Variants in IQCE observed in about 807,000 individuals in gnomAD.
IQCE encodes IQ domain-containing protein E.
IQCE carries 115 observed loss-of-function variants against 96.0 expected under a neutral mutation model. The observed-to-expected ratio is 1.20, with a 90% CI of 1.03 to 1.40. The LOEUF is 1.40. IQCE is among the 40% of genes most tolerant of loss of function. The probability of loss-of-function intolerance (pLI) is 0.00; values close to 1 mark genes in which losing one functional copy is unlikely to be tolerated. For synonymous variants in IQCE, 412 were observed against 371.2 expected (o/e 1.11, Z -1.26); for missense variants, 1,041 against 909.1 (o/e 1.15, Z -1.87).
chr7:2,598,423 G>A, intron 16 of IQCE, 42 bp from the exon 17 acceptor site: 3 of 1,525,970 alleles, frequency 2.0e-6, no homozygotes, highest in Non-Finnish European at 2.6e-6. Context: ...GGTTGTCCCT[G>A]CCCTGGCTTC....
chr7:2,604,820 C>T (rs899642266), intron 18 of IQCE, 61 bp from the exon 19 acceptor site: 11 of 1,230,002 alleles, frequency 8.9e-6, no homozygotes, highest in East Asian at 4.9e-5. Flanking sequence ...GCCTCCCTCT[C>T]GCCCGCCGTT....
intron 8 of IQCE, among the ~76,000 whole-genome samples, chr7:2,579,567 T>A (rs1782491241): frequency 6.6e-6 from 1 of 152,208 alleles, no homozygotes; most frequent in Non-Finnish European, 1.5e-5. Context: ...GATTGTATAA[T>A]CATTACATGT....
chr7:2,578,577 G>A, intron 8 of IQCE, 51 bp downstream of exon 8: 1 of 1,598,100 alleles, frequency 6.3e-7, no homozygotes, highest in Non-Finnish European at 8.6e-7. Flanking sequence ...CTAGTTACTG[G>A]GGACAGCCAC....
chr7:2,577,434 G>A lies in IQCE; in HGVS notation c.466-808G>A, dbSNP rs1184021346. ...GCGGGGACGTGTGTGCGGCGTGCAC[G>A]CATTGGCATGTACTTGGCTGTGCGC... On this transcript the variant is annotated intron_variant, in intron 6 of 21. Transcript: ENST00000402050. Among the ~76,000 whole-genome samples, 9 of 117,022 alleles carry A rather than the reference G, an allele frequency of 7.7e-5. 2 individuals carry two copies. The highest frequency in any genetic ancestry group is 2.6e-4 in the African/African-American group (8 of 30,548). The allele number at this position is 117,022 out of a possible 152,430, so 76.8% of individuals were successfully genotyped here. A position where few individuals can be genotyped will look rare whatever the true frequency, so the allele number is the denominator to read the frequency against.
chr7:2,566,454 C>G (rs1302171952), intron 1 of IQCE: 1 of 125,216 alleles, frequency 8.0e-6, no homozygotes, highest in African/African-American at 3.1e-5. Context: ...TGTTGGTTTT[C>G]GTTTTTTTTT....
At chr7:2,596,134 C>T (rs1784019093) in intron 16 of IQCE, among the ~76,000 whole-genome samples, 1 of 152,202 alleles carries the variant, frequency 6.6e-6, no homozygotes, top group South Asian at 2.1e-4. Flanking sequence ...AAGCCACCAC[C>T]TATGGTCCCA....
At chr7:2,571,457 C>G in intron 3 of IQCE, 69 bp from the exon 4 acceptor site, 12 of 1,587,094 alleles carry the variant, frequency 7.6e-6, no homozygotes, top group Non-Finnish European at 9.4e-6. Context: ...TTCTGTCTTT[C>G]TGAAGTTCAT....
chr7:2,597,913 C>A (rs182727720), intron 16 of IQCE, among the ~76,000 whole-genome samples: 1 of 152,282 alleles, frequency 6.6e-6, no homozygotes, highest in East Asian at 1.9e-4. Flanking sequence ...AGGGATCCTC[C>A]CTGCTTGGCC....
chr7:2,606,107 C>T (rs1784804060), intron 20 of IQCE, 110 bp downstream of exon 20: 2 of 1,311,786 alleles, frequency 1.5e-6, no homozygotes, highest in South Asian at 1.7e-5. Context: ...TGGAGCAGCG[C>T]CTGCCGCCTG....
chr7:2,578,370 C>T lies in IQCE; in HGVS notation c.579+15C>T. ...ATCCCAGCCGCGTAAGCTCCTGGCG[C>T]TTCACGGACGGGGCAAGGGGAGGGT... On this transcript the variant is annotated intron_variant, in intron 7 of 21. Coordinates refer to ENST00000402050, the MANE Select transcript of IQCE (RefSeq NM_152558.5). 4 of 1,612,592 alleles carry T rather than the reference C, an allele frequency of 2.5e-6. No homozygotes were observed. The highest frequency in any genetic ancestry group is 3.4e-6 in the Non-Finnish European group (4 of 1,178,594).
chr7:2,610,176 T>C lies in IQCE; in HGVS notation c.*14T>C. On this transcript the variant is annotated 3_prime_UTR_variant, in exon 22 of 22. Coordinates refer to ENST00000402050, the MANE Select transcript of IQCE (RefSeq NM_152558.5). ...TTTCCAGTTTAGGTCCCCGTCACTG[T>C]CTCCACGCCGTGATGGCAGCGCTGC... 1 of 1,450,006 alleles carries C rather than the reference T, an allele frequency of 6.9e-7. No homozygotes were observed. Among genetic ancestry groups the C allele is most frequent in the Non-Finnish European group, 9.7e-7 (1 of 1,029,788 alleles). The allele number at this position is 1,450,006 out of a possible 1,614,324, so 89.8% of individuals were successfully genotyped here.
chr7:2,565,109 TGA>T (rs1418759925), intron 1 of IQCE, among the ~76,000 whole-genome samples: 4 of 146,116 alleles, frequency 2.7e-5, no homozygotes, highest in Admixed American at 1.4e-4. Context: ...TGTGTGTGTG[TGA>T]GTGCATGTGT....
chr7:2,610,615 C>A lies in IQCE; in HGVS notation c.*453C>A. On this transcript the variant is annotated 3_prime_UTR_variant, in exon 22 of 22. Transcript: ENST00000402050. ...ATCTCAGCCCAGCAGGCCAGGCAGA[C>A]ACACCCCGCTGTGCCTTAGGAAGGT... 5.6e-6 allele frequency: 1 copy of A among 179,736 alleles called. No individual in the cohort carries two copies. The highest frequency in any genetic ancestry group is 1.2e-5 in the Non-Finnish European group (1 of 84,760). 11.1% of individuals were successfully genotyped at this position (179,736 alleles called of 1,614,324 possible).
intron 1 of IQCE, among the ~76,000 whole-genome samples, chr7:2,563,311 C>T (rs946502736): frequency 2.6e-5 from 4 of 152,016 alleles, no homozygotes; most frequent in African/African-American, 9.7e-5. Flanking sequence ...ATTCTCCCAC[C>T]TCAGTCTCCT....
intron 12 of IQCE, 31 bp downstream of exon 12, chr7:2,586,402 G>C (rs772439007): frequency 3.6e-5 from 54 of 1,507,746 alleles, no homozygotes; most frequent in Non-Finnish European, 4.6e-5. Flanking sequence ...CCAGGAGGGA[G>C]GCCAGGGAAT....
chr7:2,571,392 T>G, intron 3 of IQCE, 134 bp from the exon 4 acceptor site: 1 of 1,109,930 alleles, frequency 9.0e-7, no homozygotes, highest in East Asian at 2.4e-5. Context: ...TCTTTTTTCA[T>G]TTTTGCCAGA....
At position 2,614,467 on chromosome 7, in the gene IQCE, C is replaced by T. The variant is rs1298670369; in HGVS notation, c.*4305C>T. On this transcript the variant is annotated 3_prime_UTR_variant, in exon 22 of 22. Transcript: ENST00000402050. The stretch of plus-strand genomic sequence containing the variant: ...GGCAGTGCCTACGCTGTGCCAACTA[C>T]CCTGTCTGGTACAGACCACGGCTGG... 6.6e-6 allele frequency: 1 copy of T among 152,234 alleles called. No individual in the cohort carries two copies. Among genetic ancestry groups the T allele is most frequent in the East Asian group, 1.9e-4 (1 of 5,198 alleles). The allele number at this position is 152,234 out of a possible 1,614,324, so 9.4% of individuals were successfully genotyped here.
intron 19 of IQCE, among the ~76,000 whole-genome samples, chr7:2,605,359 A>G (rs1248677970): frequency 6.6e-6 from 1 of 152,100 alleles, no homozygotes; most frequent in African/African-American, 2.4e-5. Flanking sequence ...GGTGGCTCAC[A>G]CCTGTAATCC....
At chr7:2,585,465 C>T (rs529659967) in intron 11 of IQCE, among the ~76,000 whole-genome samples, 1 of 152,386 alleles carries the variant, frequency 6.6e-6, no homozygotes, top group African/African-American at 2.4e-5. Flanking sequence ...CTGAACGAGG[C>T]TTCTTGCACG....
Sources: gnomAD v4.1 joint callset for allele counts (sites outside exome capture counted in the v4.1 genomes callset) on GRCh38, gnomAD v4.1.1 for gene constraint, MANE v1.5 for transcripts, NCBI Gene and HGNC (gene_info 2026-07-23, HGNC 2026-07-21) for gene names.